EPB41L3: variants seen among roughly 807,000 people sequenced by gnomAD.
The protein encoded by EPB41L3 is erythrocyte membrane protein band 4.1 like 3.
EPB41L3 carries 57 observed loss-of-function variants against 127.1 expected under a neutral mutation model. The observed-to-expected ratio is 0.45, with a 90% CI of 0.36 to 0.56. The LOEUF is 0.56. Among genes scored for constraint, EPB41L3 ranks in the 20% least tolerant of loss-of-function variants. EPB41L3 has a pLI of 0.00. For synonymous variants in EPB41L3, 572 were observed against 549.5 expected (o/e 1.04, Z -0.57); for missense variants, 1,273 against 1,372.2 (o/e 0.93, Z 1.14).
intron 3 of EPB41L3, among the ~76,000 whole-genome samples, chr18:5,459,437 T>G (rs945378851): frequency 2.6e-5 from 4 of 152,166 alleles, no homozygotes; most frequent in Non-Finnish European, 5.9e-5. Context: ...TATGAATTAT[T>G]AATTTTTGAC....
chr18:5,622,670 C>A (rs897727559), intron 1 of EPB41L3, among the ~76,000 whole-genome samples: 2 of 152,144 alleles, frequency 1.3e-5, no homozygotes, highest in African/African-American at 4.8e-5. Context: ...CTATTTTAGG[C>A]AGAATGCAAA....
At chr18:5,415,531 T>G (rs1047184136) in intron 13 of EPB41L3, among the ~76,000 whole-genome samples, 1 of 152,222 alleles carries the variant, frequency 6.6e-6, no homozygotes, top group East Asian at 1.9e-4. Context: ...TTTACACAGC[T>G]GACGGGTTAT....
chr18:5,604,254 C>CTT (rs34050346), intron 3 of EPB41L3, among the ~76,000 whole-genome samples: 5 of 148,144 alleles, frequency 3.4e-5, no homozygotes, highest in African/African-American at 7.4e-5. Flanking sequence ...TTGACTTACT[C>CTT]TTTTTTTTTT....
chr18:5,624,319 T>A (rs2094898655), intron 1 of EPB41L3, among the ~76,000 whole-genome samples: 1 of 152,216 alleles, frequency 6.6e-6, no homozygotes, highest in Non-Finnish European at 1.5e-5. Flanking sequence ...AGGAATGCAT[T>A]CAGTACTTTA....
At chr18:5,430,114 C>T (rs1024695603) in intron 8 of EPB41L3, among the ~76,000 whole-genome samples, 2 of 152,130 alleles carry the variant, frequency 1.3e-5, no homozygotes, top group Admixed American at 6.5e-5. Flanking sequence ...TTTAATCACC[C>T]GTTAATTCTT....
intron 5 of EPB41L3, among the ~76,000 whole-genome samples, chr18:5,443,387 G>C (rs1237348325): frequency 6.6e-6 from 1 of 152,120 alleles, no homozygotes; most frequent in Admixed American, 6.5e-5. Flanking sequence ...GCAATTGTTT[G>C]GTCCATTAAA....
Position 5,419,849 on chromosome 18 carries a change from TGTTGTGGC to T in EPB41L3, c.1360_1367del (p.Ala454LysfsTer19). On this transcript the variant is annotated frameshift_variant, in exon 12 of 23. Coordinates refer to ENST00000341928, the MANE Select transcript of EPB41L3 (RefSeq NM_012307.5). LOFTEE classifies it high-confidence loss of function. The stretch of plus-strand genomic sequence containing the variant: ...TCAAGTTGGTCTGAGAGATGCCTTT[TGTTGTGGC>T]GTACTGGCCAGTACCAACCTCTGCA... 1 of 1,614,254 alleles carries T rather than the reference TGTTGTGGC, an allele frequency of 6.2e-7. No individual in the cohort carries two copies. The highest frequency in any genetic ancestry group is 8.5e-7 in the Non-Finnish European group (1 of 1,180,050).
chr18:5,504,457 T>G (rs1162246573), intron 1 of EPB41L3, among the ~76,000 whole-genome samples: 1 of 152,142 alleles, frequency 6.6e-6, no homozygotes, highest in Non-Finnish European at 1.5e-5. Flanking sequence ...CTTTTCAGAG[T>G]CACACAGGAG....
At chr18:5,589,901 A>G (rs2094471217) in intron 3 of EPB41L3, among the ~76,000 whole-genome samples, 1 of 152,364 alleles carries the variant, frequency 6.6e-6, no homozygotes, top group African/African-American at 2.4e-5. Flanking sequence ...TCTTCTTGCT[A>G]GAACTTTTTC....
At chr18:5,527,546 T>C (rs2093270729) in intron 1 of EPB41L3, among the ~76,000 whole-genome samples, 2 of 152,138 alleles carry the variant, frequency 1.3e-5, no homozygotes, top group African/African-American at 4.8e-5. Context: ...GTGAACAAAA[T>C]GGATAAAAAT....
At position 5,489,058 on chromosome 18, in the gene EPB41L3, C is replaced by A; in HGVS notation, c.126G>T (p.Gln42His). 6.3e-7 allele frequency: 1 copy of A among 1,596,334 alleles called. No homozygotes were observed. Among genetic ancestry groups the A allele is most frequent in the Non-Finnish European group, 8.5e-7 (1 of 1,176,630 alleles). ...CGGCGGCGAACTGCTCCAGGGCCTG[C>A]TGCTGCTCCTCCTTGGGCGGCTCCG... Reference protein sequence around the residue: ...PVPEPPKEEQQQALEQFAAAA... With the variant: ...PVPEPPKEEQHQALEQFAAAA... The change falls in exon 2 of 23, where the codon CAG becomes CAT. Residue 42 changes from glutamine to histidine, a missense_variant. Transcript: ENST00000341928.
rs1419401734 is a variant in EPB41L3 at position 5,393,338 on chromosome 18, T to C, written c.*147A>G. The C allele has an allele frequency of 3.8e-6, 2 of 528,650 alleles. No individual in the cohort carries two copies. The highest frequency in any genetic ancestry group is 6.7e-6 in the Non-Finnish European group (2 of 298,004). The allele number at this position is 528,650 out of a possible 1,614,324, so 32.7% of individuals were successfully genotyped here. A position where few individuals can be genotyped will look rare whatever the true frequency, so the allele number is the denominator to read the frequency against. On this transcript the variant is annotated 3_prime_UTR_variant, in exon 23 of 23. Transcript: ENST00000341928. ...AAGATCTCTCTGCCAGTGTCTTTAT[T>C]AATGGTCAAGGTCAATTCTTCTGGA...
chr18:5,426,899 T>C (rs1987729), intron 9 of EPB41L3, among the ~76,000 whole-genome samples: 156 of 152,338 alleles, frequency 1.0e-3, no homozygotes, highest in Middle Eastern at 6.8e-3. Flanking sequence ...TTTAAAACAC[T>C]ATAATTTTAG....
chr18:5,517,185 A>C (rs925258964), intron 1 of EPB41L3, among the ~76,000 whole-genome samples: 19 of 152,116 alleles, frequency 1.2e-4, no homozygotes, highest in African/African-American at 4.6e-4. Context: ...GAATGAACAA[A>C]TCAGAGGATG....
chr18:5,438,017 T>C lies in EPB41L3; in HGVS notation c.605+18A>G, dbSNP rs760514792. On this transcript the variant is annotated intron_variant, in intron 6 of 22. Transcript: ENST00000341928. ...TCTCCCAATATGCTTGTCTTTTGCA[T>C]AGCCAACTTTCAAATACCTGGTGAT... 30 of 1,611,902 alleles carry C rather than the reference T, an allele frequency of 1.9e-5. No homozygotes were observed. The highest frequency in any genetic ancestry group is 2.7e-5 in the African/African-American group (2 of 74,870).
chr18:5,393,818 T>C (rs1020739441), intron 22 of EPB41L3: 17 of 221,418 alleles, frequency 7.7e-5, no homozygotes, highest in African/African-American at 3.7e-4. Flanking sequence ...CTTACTAATA[T>C]ATGAAATCTC....
intron 1 of EPB41L3, among the ~76,000 whole-genome samples, chr18:5,534,297 C>A (rs976146223): frequency 7.2e-5 from 11 of 152,314 alleles, no homozygotes; most frequent in African/African-American, 2.6e-4. Flanking sequence ...CCAGGTTAAA[C>A]GCTCATTTGA....
chr18:5,521,504 G>T (rs2092988307), intron 1 of EPB41L3: 1 of 152,162 alleles, frequency 6.6e-6, no homozygotes, highest in African/African-American at 2.4e-5. Flanking sequence ...GAGCATGGCT[G>T]GCTAAACAGT....
chr18:5,466,757 C>G (rs2085069207), intron 3 of EPB41L3, among the ~76,000 whole-genome samples: 1 of 150,660 alleles, frequency 6.6e-6, no homozygotes, highest in Admixed American at 6.7e-5. Flanking sequence ...ATCAAAAACT[C>G]AAGTGACTAT....
Sources: gnomAD v4.1 joint callset for allele counts (sites outside exome capture counted in the v4.1 genomes callset) on GRCh38, gnomAD v4.1.1 for gene constraint, MANE v1.5 for transcripts, NCBI Gene and HGNC (gene_info 2026-07-23, HGNC 2026-07-21) for gene names.